RAB8B: variants seen among roughly 807,000 people sequenced by gnomAD.
The protein encoded by RAB8B is RAB8B, member RAS oncogene family, also known as ras-related protein Rab-8B.
Under a neutral mutation model 32.0 loss-of-function variants are expected in RAB8B, and 11 were observed. That is an observed-to-expected ratio of 0.34 (90% CI 0.22 to 0.57). The LOEUF (loss-of-function observed/expected upper bound fraction) is 0.57, where lower values mean the gene tolerates loss of function less well. RAB8B is among the 20% of genes least tolerant of loss of function. The pLI is 0.86. For missense variants in RAB8B, 190 were observed against 258.5 expected (o/e 0.73, Z 1.82); for synonymous variants, 103 against 89.6 (o/e 1.15, Z -0.85).
At chr15:63,195,662 C>G (rs999573567) in intron 1 of RAB8B, among the ~76,000 whole-genome samples, 4 of 152,204 alleles carry the variant, frequency 2.6e-5, no homozygotes, top group Admixed American at 2.0e-4. Flanking sequence ...AGCTGCTGGC[C>G]TCAGGCCAGC....
At chr15:63,247,091 G>C (rs2038078239) in intron 2 of RAB8B, among the ~76,000 whole-genome samples, 1 of 152,140 alleles carries the variant, frequency 6.6e-6, no homozygotes. Context: ...CAAGATCAGG[G>C]TGCCAGCAGA....
chr15:63,260,807 C>G (rs912100370), intron 6 of RAB8B, among the ~76,000 whole-genome samples: 1 of 151,948 alleles, frequency 6.6e-6, no homozygotes, highest in African/African-American at 2.4e-5. Flanking sequence ...ACATGTAATT[C>G]TTTTAATAAT....
chr15:63,227,027 G>GT (rs1265530255), intron 1 of RAB8B, among the ~76,000 whole-genome samples: 1 of 152,126 alleles, frequency 6.6e-6, no homozygotes, highest in Non-Finnish European at 1.5e-5. Flanking sequence ...ACGACCAGAG[G>GT]TCACTCTTGT....
At chr15:63,197,445 C>T (rs560149586) in intron 1 of RAB8B, among the ~76,000 whole-genome samples, 25 of 135,378 alleles carry the variant, frequency 1.8e-4, no homozygotes, top group Non-Finnish European at 1.2e-4. Flanking sequence ...GCAATCTCGG[C>T]TTGCTGCAAC....
At chr15:63,190,172 ATG>A (rs1428979432) in intron 1 of RAB8B, among the ~76,000 whole-genome samples, 1 of 138,696 alleles carries the variant, frequency 7.2e-6, no homozygotes, top group Non-Finnish European at 1.6e-5. Context: ...GAAGGGGGAA[ATG>A]AGGGATGGGG....
chr15:63,232,018 AAT>A (rs558582382), intron 1 of RAB8B, among the ~76,000 whole-genome samples: 9 of 152,346 alleles, frequency 5.9e-5, no homozygotes, highest in African/African-American at 2.2e-4. Context: ...TGGTGAGCTG[AAT>A]GCTGGATAAT....
At chr15:63,197,345 TTTTCTTTC>T (rs1254018189) in intron 1 of RAB8B, among the ~76,000 whole-genome samples, 1 of 146,420 alleles carries the variant, frequency 6.8e-6, no homozygotes, top group African/African-American at 2.6e-5. Context: ...TTCTTTTTTT[TTTTCTTTC>T]TTTCTTTCTT....
chr15:63,197,357 C>CTT (rs2037609925), intron 1 of RAB8B, among the ~76,000 whole-genome samples: 1 of 90,508 alleles, frequency 1.1e-5, no homozygotes, highest in African/African-American at 4.2e-5. Flanking sequence ...TTCTTTCTTT[C>CTT]TTTCTTTCTT....
intron 1 of RAB8B, among the ~76,000 whole-genome samples, chr15:63,200,858 T>G (rs2729791): frequency 0.23 from 35,089 of 152,148 alleles, 4,375 homozygotes; most frequent in Admixed American, 0.32. Context: ...CCTTCATTTC[T>G]CTTGCTATGA....
chr15:63,192,853 G>T (rs2037569116), intron 1 of RAB8B, among the ~76,000 whole-genome samples: 1 of 152,164 alleles, frequency 6.6e-6, no homozygotes. Context: ...CAGCACTTTG[G>T]GAGACTGAGG....
intron 1 of RAB8B, among the ~76,000 whole-genome samples, chr15:63,218,993 T>G (rs2037816849): frequency 7.1e-6 from 1 of 141,622 alleles, no homozygotes; most frequent in Non-Finnish European, 1.5e-5. Flanking sequence ...GATCTTTTCT[T>G]CCAGCAGTGG....
chr15:63,207,844 G>A (rs1430352400), intron 1 of RAB8B, among the ~76,000 whole-genome samples: 1 of 152,114 alleles, frequency 6.6e-6, no homozygotes, highest in Non-Finnish European at 1.5e-5. Flanking sequence ...GATTACAGGC[G>A]TGAGCCACCG....
At position 63,191,178 on chromosome 15, in the gene RAB8B, C is replaced by T. The variant is rs141483487; in HGVS notation, c.124+1430C>T. On this transcript the variant is annotated intron_variant, in intron 1 of 7. Coordinates refer to ENST00000321437, the MANE Select transcript of RAB8B (RefSeq NM_016530.3). ...AATAGTGGCTTATTTAGTCATCTTT[C>T]GTATGGTTCTTACAGCATATTTCAC... is the stretch of plus-strand genomic sequence containing the variant. Among the ~76,000 whole-genome samples the T allele has an allele frequency of 2.0e-3, 306 of 152,160 alleles. 1 individual carries two copies. Among genetic ancestry groups the T allele is most frequent in the Admixed American group, 4.8e-3 (74 of 15,290 alleles).
Position 63,267,479 on chromosome 15 carries a change from T to A in RAB8B, c.*3860T>A, listed in dbSNP as rs1471729902. The stretch of plus-strand genomic sequence containing the variant: ...GCAGCTGACACTGCAGTTCCTTTCA[T>A]GCAAAATACCATAAACTGTTTGATG... On this transcript the variant is annotated 3_prime_UTR_variant, in exon 8 of 8. Coordinates refer to ENST00000321437, the MANE Select transcript of RAB8B (RefSeq NM_016530.3). The A allele has an allele frequency of 2.0e-5, 3 of 152,324 alleles. No individual in the cohort carries two copies. The highest frequency in any genetic ancestry group is 7.2e-5 in the African/African-American group (3 of 41,460). 9.4% of individuals were successfully genotyped at this position (152,324 alleles called of 1,614,324 possible).
Position 63,248,754 on chromosome 15 carries a change from T to C in RAB8B, c.186-891T>C, listed in dbSNP as rs1387873101. ...TGCTTTTTAACTTATGATATTCCCT[T>C]GGGCCTTCATCTTTTATTAGGATTT... On this transcript the variant is annotated intron_variant, in intron 2 of 7. Transcript: ENST00000321437. This position sits in a 1 kb window ranked among gnomAD's most constrained non-coding sequence, Gnocchi z 4.4. 6.6e-6 allele frequency among the ~76,000 whole-genome samples: 1 copy of C among 152,190 alleles called. No homozygotes were observed. Among genetic ancestry groups the C allele is most frequent in the Non-Finnish European group, 1.5e-5 (1 of 68,026 alleles).
chr15:63,205,244 G>A (rs562605547), intron 1 of RAB8B, among the ~76,000 whole-genome samples: 1 of 152,334 alleles, frequency 6.6e-6, no homozygotes, highest in African/African-American at 2.4e-5. Flanking sequence ...AAGTTGCAGT[G>A]AGCCGAGATT....
chr15:63,236,256 A>G (rs151265908), intron 1 of RAB8B, among the ~76,000 whole-genome samples: 22 of 152,346 alleles, frequency 1.4e-4, no homozygotes, highest in African/African-American at 3.1e-4. Flanking sequence ...GAGAGTTTCT[A>G]AATTCAAAAT....
rs1046771863 is a variant in RAB8B, at chr15:63,266,908, T to C, written c.*3289T>C. On this transcript the variant is annotated 3_prime_UTR_variant, in exon 8 of 8. Coordinates refer to ENST00000321437, the MANE Select transcript of RAB8B (RefSeq NM_016530.3). ...TTTTCAAGTTCATGACTTAGATTCC[T>C]TTACAAATTTAGTTCTCAATCTTTA... The C allele has an allele frequency of 5.2e-5, 8 of 152,658 alleles. No individual in the cohort carries two copies. The highest frequency in any genetic ancestry group is 2.0e-4 in the Admixed American group (3 of 15,288). The allele number at this position is 152,658 out of a possible 1,614,324, so 9.5% of individuals were successfully genotyped here. A position where few individuals can be genotyped will look rare whatever the true frequency, so the allele number is the denominator to read the frequency against.
intron 1 of RAB8B, among the ~76,000 whole-genome samples, chr15:63,192,604 G>A (rs1033629283): frequency 9.2e-5 from 14 of 152,196 alleles, no homozygotes; most frequent in African/African-American, 3.4e-4. Flanking sequence ...ATGTATGGGT[G>A]TCTGTTTCTT....
Sources: gnomAD v4.1 joint callset for allele counts (sites outside exome capture counted in the v4.1 genomes callset) on GRCh38, gnomAD v4.1.1 for gene constraint, Gnocchi (gnomAD v3.1) non-coding constraint, MANE v1.5 for transcripts, NCBI Gene and HGNC (gene_info 2026-07-23, HGNC 2026-07-21) for gene names.